The following LRRC9 variants were observed in gnomAD, a reference collection of about 807,000 sequenced individuals.
LRRC9 encodes leucine rich repeat containing 9.
Under a neutral mutation model 63.2 loss-of-function variants are expected in LRRC9, and 122 were observed. That is an observed-to-expected ratio of 1.93 (90% CI 1.67 to 2.24). The LOEUF is 2.24. Ranked by LOEUF, LRRC9 falls within the 30% of genes most tolerant of loss-of-function variation. LRRC9 has a pLI of 0.00. For missense variants in LRRC9, 1,071 were observed against 627.7 expected, an observed-to-expected ratio of 1.71 and a Z score of -7.55; for synonymous variants, 366 against 213.1, an observed-to-expected ratio of 1.72 and a Z score of -6.25.
At chr14:59,973,457 A>G (rs1885761910) in intron 12 of LRRC9, 1 of 151,998 alleles carries the variant, frequency 6.6e-6, no homozygotes, top group South Asian at 2.1e-4. Flanking sequence ...ATTAGAGTAT[A>G]CTCACCCATC....
At chr14:59,970,605 C>A (rs1314655064) in intron 12 of LRRC9, among the ~76,000 whole-genome samples, 1 of 152,016 alleles carries the variant, frequency 6.6e-6, no homozygotes, top group East Asian at 1.9e-4. Flanking sequence ...TATTTTTTGA[C>A]TTTTTAATAA....
Position 60,031,299 on chromosome 14 carries a change from T to C in LRRC9, c.3922-696T>C, listed in dbSNP as rs1891972981. ...CTAGAAGAATTTGCTATATGTCCACTTGTAATTCCACAAAGGAATACAGGC... is the reference window on the plus strand; with the variant it reads ...CTAGAAGAATTTGCTATATGTCCACCTGTAATTCCACAAAGGAATACAGGC... On this transcript the variant is annotated intron_variant, in intron 28 of 31. Coordinates refer to ENST00000445360, the Ensembl canonical transcript of LRRC9. The surrounding 1 kb of genome is among the most constrained non-coding windows in gnomAD (Gnocchi z 4.6). 6.6e-6 allele frequency among the ~76,000 whole-genome samples: 1 copy of C among 152,116 alleles called. No individual in the cohort carries two copies. Among genetic ancestry groups the C allele is most frequent in the African/African-American group, 2.4e-5 (1 of 41,462 alleles).
intron 6 of LRRC9, among the ~76,000 whole-genome samples, chr14:59,934,377 A>G (rs527889559): frequency 6.6e-6 from 1 of 152,294 alleles, no homozygotes; most frequent in East Asian, 1.9e-4. Flanking sequence ...GGATATGTTG[A>G]GTTTAGAATA....
At chr14:60,002,758 G>A (rs968968875) in intron 20 of LRRC9, among the ~76,000 whole-genome samples, 4 of 152,086 alleles carry the variant, frequency 2.6e-5, no homozygotes, top group Non-Finnish European at 5.9e-5. Context: ...TAAGATAAAG[G>A]TGCACTAAAA....
rs369496190 is a variant in LRRC9, at chr14:59,942,090, C to T, written c.727-2499C>T. The stretch of plus-strand genomic sequence containing the variant: ...TTATTTTTCTGTGCTTGACTTATTT[C>T]GCTTAACATAATGTCCTCCAGGCTC... On this transcript the variant is annotated intron_variant, in intron 7 of 31. Transcript: ENST00000445360. The surrounding 1 kb of genome is among the most constrained non-coding windows in gnomAD (Gnocchi z 5.3). Among the ~76,000 whole-genome samples the T allele has an allele frequency of 4.7e-4, 72 of 152,228 alleles. No individual in the cohort carries two copies. Among genetic ancestry groups the T allele is most frequent in the African/African-American group, 1.5e-3 (61 of 41,568 alleles).
rs376939159 is a variant in LRRC9 at position 59,993,553 on chromosome 14, G to A, written c.2212-4103G>A. On this transcript the variant is annotated intron_variant, in intron 17 of 31. Coordinates refer to ENST00000445360, the Ensembl canonical transcript of LRRC9. Reference sequence around the variant, plus strand: ...AAGAATCAAGACCCATCAGTGTGCTGTATTCAGGAAACCCATCTCACGTGC... The same window carrying A: ...AAGAATCAAGACCCATCAGTGTGCTATATTCAGGAAACCCATCTCACGTGC... Among the ~76,000 whole-genome samples, 115 of 152,264 alleles carry A rather than the reference G, an allele frequency of 7.6e-4. No individual in the cohort carries two copies. The East Asian group carries it at 0.012, about 16-fold the overall frequency.
intron 14 of LRRC9, among the ~76,000 whole-genome samples, chr14:59,977,655 A>T (rs1886451317): frequency 6.6e-6 from 1 of 152,024 alleles, no homozygotes; most frequent in South Asian, 2.1e-4. Flanking sequence ...AGTTTTAGAG[A>T]AATACGTTTG....
chr14:60,049,902 T>C (rs2140423046), intron 29 of LRRC9, among the ~76,000 whole-genome samples: 1 of 152,280 alleles, frequency 6.6e-6, no homozygotes, highest in African/African-American at 2.4e-5. Flanking sequence ...CAATCAGTCA[T>C]AGGTTCGATC....
In LRRC9 at chr14:60,028,592, C is replaced by T. The variant is rs143040366; in HGVS notation, c.3921+491C>T. Among the ~76,000 whole-genome samples the T allele has an allele frequency of 9.5e-3, 1,440 of 152,238 alleles. 17 individuals are homozygous for T. The highest frequency in any genetic ancestry group is 0.013 in the Non-Finnish European group (902 of 68,010). The stretch of plus-strand genomic sequence containing the variant: ...TTAGTTTTACCTGCTTAGAATTTAA[C>T]CTGTTACTTTTAGGTCACTGCCCCA... On this transcript the variant is annotated intron_variant, in intron 28 of 31. Coordinates refer to ENST00000445360, the Ensembl canonical transcript of LRRC9.
At chr14:59,983,681 G>GTT (rs1173497760) in intron 16 of LRRC9, among the ~76,000 whole-genome samples, 1 of 152,138 alleles carries the variant, frequency 6.6e-6, no homozygotes, top group African/African-American at 2.4e-5. Context: ...AATGGTGGAG[G>GTT]GTAAAGATGT....
chr14:59,927,519 A>G lies in LRRC9; in HGVS notation c.-33-392A>G, dbSNP rs1889309621. 6.6e-6 allele frequency among the ~76,000 whole-genome samples: 1 copy of G among 152,064 alleles called. No individual in the cohort carries two copies. Among genetic ancestry groups the G allele is most frequent in the South Asian group, 2.1e-4 (1 of 4,832 alleles). On this transcript the variant is annotated intron_variant, in intron 1 of 31. Coordinates refer to ENST00000445360, the Ensembl canonical transcript of LRRC9. The surrounding 1 kb of genome is among the most constrained non-coding windows in gnomAD (Gnocchi z 4.4). ...TCACGTTTAGACACCGCAGTGTAAT[A>G]CAAAGGACAACTAGAGCCTGTTCAA... is the stretch of plus-strand genomic sequence containing the variant.
chr14:60,011,551 G>T (rs1010375643), intron 23 of LRRC9, among the ~76,000 whole-genome samples: 1 of 152,148 alleles, frequency 6.6e-6, no homozygotes. Context: ...CCTAGTGAGC[G>T]TGATTTTCAC....
chr14:60,046,434 T>G (rs1893429304), intron 29 of LRRC9, among the ~76,000 whole-genome samples: 2 of 152,176 alleles, frequency 1.3e-5, no homozygotes, highest in African/African-American at 4.8e-5. Flanking sequence ...AATCCATCTT[T>G]TGTTAACCTC....
intron 29 of LRRC9, among the ~76,000 whole-genome samples, chr14:60,039,976 T>C (rs888049299): frequency 3.9e-5 from 6 of 151,928 alleles, no homozygotes; most frequent in African/African-American, 4.9e-5. Flanking sequence ...TTTGTTCTCA[T>C]TGGTTTCAAA....
intron 29 of LRRC9, among the ~76,000 whole-genome samples, chr14:60,047,684 C>T (rs1893550641): frequency 6.6e-6 from 1 of 152,140 alleles, no homozygotes; most frequent in African/African-American, 2.4e-5. Context: ...TAGACTCCCA[C>T]ACAATAATAG....
intron 7 of LRRC9, among the ~76,000 whole-genome samples, chr14:59,943,700 AT>A (rs1264727938): frequency 6.6e-6 from 1 of 151,880 alleles, no homozygotes; most frequent in African/African-American, 2.4e-5. Flanking sequence ...GGGAAAGAGG[AT>A]TATTTTGGCC....
At chr14:60,019,567 T>A (rs1890957614) in intron 26 of LRRC9, among the ~76,000 whole-genome samples, 1 of 152,076 alleles carries the variant, frequency 6.6e-6, no homozygotes, top group East Asian at 1.9e-4. Context: ...GTTTCTTTTT[T>A]AAAAATTGAG....
At chr14:59,984,781 C>A (rs772084505) in intron 16 of LRRC9, among the ~76,000 whole-genome samples, 2 of 152,170 alleles carry the variant, frequency 1.3e-5, no homozygotes, top group African/African-American at 2.4e-5. Context: ...AGAAACAGAT[C>A]TACCCTAATA....
Position 59,966,502 on chromosome 14 carries a change from C to T in LRRC9, c.1212-87C>T, listed in dbSNP as rs1262462555. ...AAAAGACACAAAATATGAGCTATAACTTTTATCACGTAGTTTTCTGTTCTT... is the reference window on the plus strand; with the variant it reads ...AAAAGACACAAAATATGAGCTATAATTTTTATCACGTAGTTTTCTGTTCTT... On this transcript the variant is annotated intron_variant, in intron 10 of 31. Coordinates refer to ENST00000445360, the Ensembl canonical transcript of LRRC9. The surrounding 1 kb of genome is among the most constrained non-coding windows in gnomAD (Gnocchi z 4.0). The T allele has an allele frequency of 4.2e-6, 2 of 472,118 alleles. No homozygotes were observed. Among genetic ancestry groups the T allele is most frequent in the African/African-American group, 3.9e-5 (2 of 51,602 alleles). The allele number at this position is 472,118 out of a possible 1,614,324, so 29.2% of individuals were successfully genotyped here.
Sources: gnomAD v4.1 joint callset for allele counts (sites outside exome capture counted in the v4.1 genomes callset) on GRCh38, gnomAD v4.1.1 for gene constraint, Gnocchi (gnomAD v3.1) non-coding constraint, MANE v1.5 for transcripts, NCBI Gene and HGNC (gene_info 2026-07-23, HGNC 2026-07-21) for gene names.